Variants in GLS observed in about 807,000 individuals in gnomAD.
GLS encodes glutaminase kidney isoform, mitochondrial.
GLS carries 36 observed loss-of-function variants against 86.7 expected under a neutral mutation model. The observed-to-expected ratio is 0.42, with a 90% CI of 0.32 to 0.55. The LOEUF (loss-of-function observed/expected upper bound fraction) is 0.55, where lower values mean the gene tolerates loss of function less well. GLS is among the 20% of genes least tolerant of loss of function. The pLI is 0.17. For synonymous variants in GLS, 317 were observed against 305.9 expected, an observed-to-expected ratio of 1.04 and a Z score of -0.38; for missense variants, 528 against 833.4, an observed-to-expected ratio of 0.63 and a Z score of 4.51.
intron 14 of GLS, among the ~76,000 whole-genome samples, chr2:190,940,179 C>T (rs188569041): frequency 6.6e-6 from 1 of 151,752 alleles, no homozygotes; most frequent in African/African-American, 2.4e-5. Context: ...TTACTTAGAT[C>T]CTTGAAGTAT....
chr2:190,958,733 G>C (rs1233935763), intron 17 of GLS, among the ~76,000 whole-genome samples: 1 of 152,188 alleles, frequency 6.6e-6, no homozygotes, highest in East Asian at 1.9e-4. Flanking sequence ...ACAGTTTTGA[G>C]TGAGTTTGTT....
intron 12 of GLS, among the ~76,000 whole-genome samples, chr2:190,929,643 T>C (rs1690034445): frequency 6.6e-6 from 1 of 151,924 alleles, no homozygotes; most frequent in East Asian, 1.9e-4. Flanking sequence ...CTAAGTTTTG[T>C]ATTTTTTGTG....
rs141914955 is a variant in GLS, at chr2:190,895,095, A to G, written c.387-57A>G. The stretch of plus-strand genomic sequence containing the variant: ...GGTTATTTAACAATGGATTTAGTTA[A>G]AAATCCAGTAGAATGTTCATACAAG... On this transcript the variant is annotated intron_variant, in intron 1 of 17. Coordinates refer to ENST00000320717, the MANE Select transcript of GLS (RefSeq NM_014905.5). This position sits in a 1 kb window ranked among gnomAD's most constrained non-coding sequence, Gnocchi z 4.2. The G allele has an allele frequency of 2.1e-4, 161 of 764,416 alleles. No individual in the cohort carries two copies. Among genetic ancestry groups the G allele is most frequent in the Middle Eastern group, 4.9e-4 (2 of 4,112 alleles). 47.4% of individuals were successfully genotyped at this position (764,416 alleles called of 1,614,324 possible). A position where few individuals can be genotyped will look rare whatever the true frequency, so the allele number is the denominator to read the frequency against.
intron 14 of GLS, among the ~76,000 whole-genome samples, chr2:190,941,785 G>C (rs1207591725): frequency 6.6e-6 from 1 of 152,178 alleles, no homozygotes; most frequent in African/African-American, 2.4e-5. Flanking sequence ...GAGATTGGCT[G>C]TGGATGACTC....
intron 5 of GLS, among the ~76,000 whole-genome samples, chr2:190,904,766 T>A (rs1574577326): frequency 6.6e-6 from 1 of 152,164 alleles, no homozygotes; most frequent in Non-Finnish European, 1.5e-5. Flanking sequence ...TATCATTGTA[T>A]ATAAGGGACT....
At chr2:190,940,958 A>G (rs1026685722) in intron 14 of GLS, among the ~76,000 whole-genome samples, 2 of 152,172 alleles carry the variant, frequency 1.3e-5, no homozygotes, top group Non-Finnish European at 1.5e-5. Context: ...GTTTTTGTTC[A>G]AACAGCACAC....
At chr2:190,916,000 C>T (rs1285546035) in intron 7 of GLS, among the ~76,000 whole-genome samples, 1 of 152,098 alleles carries the variant, frequency 6.6e-6, no homozygotes, top group Non-Finnish European at 1.5e-5. Flanking sequence ...AGTAACATTG[C>T]TATAATAAAA....
chr2:190,952,810 G>T (rs1388083133), intron 14 of GLS, among the ~76,000 whole-genome samples: 1 of 152,188 alleles, frequency 6.6e-6, no homozygotes, highest in Non-Finnish European at 1.5e-5. Flanking sequence ...AGATAGGGAT[G>T]GATAAAGTCT....
At chr2:190,882,042 C>G (rs1024110534) in intron 1 of GLS, 2 of 152,236 alleles carry the variant, frequency 1.3e-5, no homozygotes, top group African/African-American at 2.4e-5. Context: ...ACCTCAGGCA[C>G]GTGTAGAGCC....
intron 7 of GLS, among the ~76,000 whole-genome samples, chr2:190,915,736 C>T (rs983688099): frequency 3.2e-4 from 49 of 152,156 alleles, no homozygotes; most frequent in African/African-American, 1.1e-3. Flanking sequence ...CACTGCTTCA[C>T]ATTGTAAAAA....
Position 190,953,566 on chromosome 2 carries a change from TA to T in GLS, c.1655del (p.Lys552SerfsTer3). On this transcript the variant is annotated frameshift_variant and splice_region_variant, in exon 15 of 18. Transcript: ENST00000320717. LOFTEE classifies it high-confidence loss of function. The surrounding 1 kb of genome is among the most constrained non-coding windows in gnomAD (Gnocchi z 4.0). ...DPRREGGDQR[V>X]KSVINLLFAA... ...GCCTAAACTTTCTTTTCTTCACAGG[TA>T]AAGTCAGTGATAAATCTTTTGTTTG... 1 of 1,606,198 alleles carries T rather than the reference TA, an allele frequency of 6.2e-7. No homozygotes were observed. Among genetic ancestry groups the T allele is most frequent in the Non-Finnish European group, 8.5e-7 (1 of 1,172,884 alleles).
intron 17 of GLS, among the ~76,000 whole-genome samples, chr2:190,960,331 G>A (rs1690968141): frequency 6.8e-6 from 1 of 146,324 alleles, no homozygotes; most frequent in Admixed American, 6.8e-5. Context: ...CTCTTTAGCT[G>A]TATTGTGTTT....
At chr2:190,934,997 A>G (rs1321030483) in intron 14 of GLS, 1 of 953,930 alleles carries the variant, frequency 1.0e-6, no homozygotes, top group Non-Finnish European at 1.2e-6. Context: ...AGTACCCACT[A>G]TTATTGGGTT....
intron 1 of GLS, among the ~76,000 whole-genome samples, chr2:190,886,320 T>C (rs1396911292): frequency 2.0e-5 from 3 of 152,252 alleles, no homozygotes; most frequent in African/African-American, 7.2e-5. Flanking sequence ...TGTTAATTTA[T>C]AGTTTTATTA....
intron 5 of GLS, among the ~76,000 whole-genome samples, chr2:190,904,714 A>G (rs1206947621): frequency 6.6e-6 from 1 of 152,174 alleles, no homozygotes; most frequent in Non-Finnish European, 1.5e-5. Context: ...GAGATGATTT[A>G]AAACACATGG....
chr2:190,961,763 A>G (rs1419827449), intron 17 of GLS, among the ~76,000 whole-genome samples: 1 of 151,160 alleles, frequency 6.6e-6, no homozygotes, highest in Non-Finnish European at 1.5e-5. Flanking sequence ...ACAGGCTACC[A>G]AAATTTATCC....
At chr2:190,890,218 G>C (rs1688515861) in intron 1 of GLS, among the ~76,000 whole-genome samples, 1 of 151,980 alleles carries the variant, frequency 6.6e-6, no homozygotes, top group African/African-American at 2.4e-5. Flanking sequence ...GAATCTTGCT[G>C]TGTCACCCAG....
In GLS at chr2:190,914,130, A is replaced by G. The variant is rs1689446525; in HGVS notation, c.1038+3809A>G. Among the ~76,000 whole-genome samples the G allele has an allele frequency of 6.6e-6, 1 of 152,194 alleles. No homozygotes were observed. Among genetic ancestry groups the G allele is most frequent in the Admixed American group, 6.5e-5 (1 of 15,282 alleles). On this transcript the variant is annotated intron_variant, in intron 7 of 17. Coordinates refer to ENST00000320717, the MANE Select transcript of GLS (RefSeq NM_014905.5). This position sits in a 1 kb window ranked among gnomAD's most constrained non-coding sequence, Gnocchi z 4.4. Reference sequence around the variant, plus strand: ...TGGTAGTTTCCAGTTTTTGTCATTTAAAGAAGTTCAATTTTCTTTTTAATC... The same window carrying G: ...TGGTAGTTTCCAGTTTTTGTCATTTGAAGAAGTTCAATTTTCTTTTTAATC...
rs1429805875 is a variant in GLS at position 190,924,368 on chromosome 2, C to A, written c.1198-175C>A. Among the ~76,000 whole-genome samples the A allele has an allele frequency of 2.0e-5, 3 of 152,026 alleles. No individual in the cohort carries two copies. The highest frequency in any genetic ancestry group is 4.4e-5 in the Non-Finnish European group (3 of 68,016). Reference sequence around the variant, plus strand: ...AGTTAAACTAGTATCTAGAAACTTACATGATGTGATAAAATTTTGCTTTTT... The same window carrying A: ...AGTTAAACTAGTATCTAGAAACTTAAATGATGTGATAAAATTTTGCTTTTT... On this transcript the variant is annotated intron_variant, in intron 10 of 17. Coordinates refer to ENST00000320717, the MANE Select transcript of GLS (RefSeq NM_014905.5). This position sits in a 1 kb window ranked among gnomAD's most constrained non-coding sequence, Gnocchi z 5.2.
Sources: allele counts gnomAD v4.1 joint callset (sites outside exome capture counted in the v4.1 genomes callset), GRCh38; gene constraint gnomAD v4.1.1; non-coding constraint Gnocchi (gnomAD v3.1); transcripts MANE v1.5; gene names NCBI Gene and HGNC (gene_info 2026-07-23, HGNC 2026-07-21).